The following FAM210A variants were observed in gnomAD, a reference collection of about 807,000 sequenced individuals.
The protein encoded by FAM210A is family with sequence similarity 210 member A.
A neutral mutation model predicts 25.3 loss-of-function variants in FAM210A; 13 were observed. The ratio of observed to expected loss-of-function variants is 0.51; its 90% confidence interval spans 0.33 to 0.82. The LOEUF (loss-of-function observed/expected upper bound fraction) is 0.82. Ranked by LOEUF, FAM210A falls within the 40% of genes least tolerant of loss-of-function variation. The pLI is 0.02. For missense variants in FAM210A, 319 were observed against 323.2 expected (o/e 0.99, Z 0.10); for synonymous variants, 125 against 118.7 (o/e 1.05, Z -0.35).
intron 3 of FAM210A, among the ~76,000 whole-genome samples, chr18:13,670,650 G>C (rs2043434038): frequency 1.3e-5 from 2 of 152,136 alleles, no homozygotes; most frequent in Admixed American, 1.3e-4. Context: ...ACAATTTACA[G>C]TGAGTCTTCC....
intron 1 of FAM210A, among the ~76,000 whole-genome samples, chr18:13,697,097 A>G (rs2043700769): frequency 6.6e-6 from 1 of 152,256 alleles, no homozygotes; most frequent in Non-Finnish European, 1.5e-5. Flanking sequence ...GCCTAGGAAC[A>G]ATAGGCTGTA....
At position 13,681,965 on chromosome 18, in the gene FAM210A, A is replaced by G; in HGVS notation, c.113T>C (p.Leu38Ser). ...AACCACTTTGGATTCAGCATTGTAT[A>G]AAAGTAAAGGTCCCTTTACATTTTG... The part of the protein sequence containing the change: ...HCQNVKGPLL[L>S]YNAESKVVLV... The change falls in exon 2 of 4, where the codon TTA becomes TCA. Residue 38 changes from leucine to serine, a missense_variant. Transcript: ENST00000651643. 1.2e-6 allele frequency: 2 copies of G among 1,614,200 alleles called. No homozygotes were observed. The highest frequency in any genetic ancestry group is 2.2e-5 in the East Asian group (1 of 44,886).
intron 1 of FAM210A, among the ~76,000 whole-genome samples, chr18:13,688,424 T>C (rs1310652995): frequency 5.3e-5 from 8 of 151,776 alleles, no homozygotes; most frequent in African/African-American, 1.9e-4. Flanking sequence ...GAGAGGCACC[T>C]TGACTTCAGA....
chr18:13,725,985 C>G lies in FAM210A; in HGVS notation c.-29+344G>C, dbSNP rs551730168. 2.6e-5 allele frequency among the ~76,000 whole-genome samples: 4 copies of G among 152,306 alleles called. No individual in the cohort carries two copies. In the East Asian group the frequency reaches 5.8e-4, roughly 22 times the overall value. ...TGCTAATTTTAAAAACCATTCCGAA[C>G]GCGGGCGCTTCCGGGCCCCTCTTCA... On this transcript the variant is annotated intron_variant, in intron 1 of 3. Transcript: ENST00000651643.
chr18:13,666,165 A>C lies in FAM210A; in HGVS notation c.*315T>G, dbSNP rs959813580. The C allele has an allele frequency of 5.5e-5, 16 of 288,974 alleles. No homozygotes were observed. The highest frequency in any genetic ancestry group is 3.5e-4 in the African/African-American group (16 of 46,126). 17.9% of individuals were successfully genotyped at this position (288,974 alleles called of 1,614,324 possible). On this transcript the variant is annotated 3_prime_UTR_variant, in exon 4 of 4. Transcript: ENST00000651643. ...GGAGTCAGCTGCCTAGTATGTGTCA[A>C]TTACAGCTGCAACAAAACAGAAATC...
At position 13,664,135 on chromosome 18, in the gene FAM210A, A is replaced by G. The variant is rs2043381573; in HGVS notation, c.*2345T>C. Reference sequence around the variant, plus strand: ...TTTGTAACATTCCTGGTGCCAAGTAATACAACAGAGCTTCTCACATCTTCA... The same window carrying G: ...TTTGTAACATTCCTGGTGCCAAGTAGTACAACAGAGCTTCTCACATCTTCA... On this transcript the variant is annotated 3_prime_UTR_variant, in exon 4 of 4. Transcript: ENST00000651643. 1 of 152,232 alleles carries G rather than the reference A, an allele frequency of 6.6e-6. No individual in the cohort carries two copies. The highest frequency in any genetic ancestry group is 1.5e-5 in the Non-Finnish European group (1 of 68,050). 9.4% of individuals were successfully genotyped at this position (152,232 alleles called of 1,614,324 possible). A position where few individuals can be genotyped will look rare whatever the true frequency, so the allele number is the denominator to read the frequency against.
rs1004520602 is a variant in FAM210A at position 13,664,676 on chromosome 18, A to G, written c.*1804T>C. The G allele has an allele frequency of 1.3e-5, 2 of 152,232 alleles. No individual in the cohort carries two copies. The highest frequency in any genetic ancestry group is 1.5e-5 in the Non-Finnish European group (1 of 68,048). 9.4% of individuals were successfully genotyped at this position (152,232 alleles called of 1,614,324 possible). A position where few individuals can be genotyped will look rare whatever the true frequency, so the allele number is the denominator to read the frequency against. On this transcript the variant is annotated 3_prime_UTR_variant, in exon 4 of 4. Transcript: ENST00000651643. The stretch of plus-strand genomic sequence containing the variant: ...CTCTCAGCACTCTCCCCGGCCCCCA[A>G]GAAGAGATTCCAATCACAGCATATT...
intron 1 of FAM210A, among the ~76,000 whole-genome samples, chr18:13,690,420 C>A (rs148307122): frequency 2.6e-5 from 4 of 152,204 alleles, no homozygotes; most frequent in Non-Finnish European, 4.4e-5. Context: ...TCTCCCAGCA[C>A]GGAGTTTGAG....
chr18:13,687,402 T>C (rs1416396075), intron 1 of FAM210A, among the ~76,000 whole-genome samples: 2 of 152,166 alleles, frequency 1.3e-5, no homozygotes, highest in Admixed American at 1.3e-4. Context: ...GGCCCACACC[T>C]GTTACACTAA....
In FAM210A at chr18:13,696,043, C is replaced by T. The variant is rs573705453; in HGVS notation, c.-28-13938G>A. 1.4e-3 allele frequency among the ~76,000 whole-genome samples: 209 copies of T among 152,010 alleles called. 1 individual carries two copies. The highest frequency in any genetic ancestry group is 2.4e-3 in the Non-Finnish European group (166 of 67,988). On this transcript the variant is annotated intron_variant, in intron 1 of 3. Coordinates refer to ENST00000651643, the MANE Select transcript of FAM210A (RefSeq NM_152352.4). ...TAGTATAAACAACATATGTATGAGA[C>T]CTATATAAGGAAAACCTCAAAACTC...
chr18:13,679,993 T>C (rs1381367128), intron 2 of FAM210A, among the ~76,000 whole-genome samples: 2 of 152,242 alleles, frequency 1.3e-5, no homozygotes, highest in Non-Finnish European at 2.9e-5. Context: ...GAATCTCATA[T>C]TCAATTAATT....
At chr18:13,668,434 A>G (rs552813872) in intron 3 of FAM210A, among the ~76,000 whole-genome samples, 64 of 152,180 alleles carry the variant, frequency 4.2e-4, no homozygotes, top group African/African-American at 1.5e-3. Context: ...TTCTCTACCT[A>G]TCTCACTCTC....
intron 1 of FAM210A, among the ~76,000 whole-genome samples, chr18:13,692,971 G>C (rs1419799569): frequency 2.0e-5 from 3 of 152,012 alleles, no homozygotes; most frequent in African/African-American, 7.2e-5. Context: ...TGGTTTTTTG[G>C]AAAGATCAGC....
chr18:13,679,771 A>G (rs1038770539), intron 2 of FAM210A, among the ~76,000 whole-genome samples: 4 of 152,168 alleles, frequency 2.6e-5, no homozygotes, highest in Non-Finnish European at 5.9e-5. Context: ...TGCAAAAAAG[A>G]GGGAGGAAAA....
intron 2 of FAM210A, among the ~76,000 whole-genome samples, chr18:13,679,686 C>A (rs2043534541): frequency 6.6e-6 from 1 of 151,968 alleles, no homozygotes; most frequent in Non-Finnish European, 1.5e-5. Context: ...CAAATAGCCC[C>A]AAAGCAAGGT....
chr18:13,723,128 T>C (rs2043910262), intron 1 of FAM210A, among the ~76,000 whole-genome samples: 1 of 152,378 alleles, frequency 6.6e-6, no homozygotes, highest in Non-Finnish European at 1.5e-5. Flanking sequence ...GAGTATCTAA[T>C]AGTGATCTTT....
chr18:13,720,369 G>C (rs1356471880), intron 1 of FAM210A, among the ~76,000 whole-genome samples: 1 of 152,106 alleles, frequency 6.6e-6, no homozygotes, highest in Non-Finnish European at 1.5e-5. Flanking sequence ...AAAACTAGCA[G>C]TATTTTAGGT....
intron 2 of FAM210A, among the ~76,000 whole-genome samples, chr18:13,672,729 T>C (rs1328640938): frequency 1.3e-5 from 2 of 152,020 alleles, no homozygotes; most frequent in African/African-American, 4.8e-5. Context: ...ATTTTATGTG[T>C]AAAATTGCAC....
chr18:13,712,655 C>A (rs2043830919), intron 1 of FAM210A, among the ~76,000 whole-genome samples: 1 of 152,150 alleles, frequency 6.6e-6, no homozygotes, highest in African/African-American at 2.4e-5. Flanking sequence ...TGTCTGTGAG[C>A]CAGCAAGTGG....
Sources: gnomAD v4.1 joint callset for allele counts (sites outside exome capture counted in the v4.1 genomes callset) on GRCh38, gnomAD v4.1.1 for gene constraint, MANE v1.5 for transcripts, NCBI Gene and HGNC (gene_info 2026-07-23, HGNC 2026-07-21) for gene names.